Variants in MEF2C observed in about 807,000 individuals in gnomAD.
MEF2C encodes myocyte enhancer factor 2C.
A neutral mutation model predicts 50.5 loss-of-function variants in MEF2C; 6 were observed. The ratio of observed to expected loss-of-function variants is 0.12; its 90% CI spans 0.07 to 0.23. MEF2C has a LOEUF of 0.23. MEF2C is among the 10% of genes least tolerant of loss of function. The pLI, the probability that MEF2C is intolerant of heterozygous loss-of-function variation, is 1.00. For synonymous variants in MEF2C, 183 were observed against 228.0 expected, an observed-to-expected ratio of 0.80 and a Z score of 1.78; for missense variants, 276 against 605.0, an observed-to-expected ratio of 0.46 and a Z score of 5.70.
At chr5:88,776,195 TA>T (rs1580491743) in intron 3 of MEF2C, among the ~76,000 whole-genome samples, 1 of 152,030 alleles carries the variant, frequency 6.6e-6, no homozygotes, top group Non-Finnish European at 1.5e-5. Context: ...TCCCCATAAT[TA>T]AAAAAATTAT....
chr5:88,828,220 A>G (rs1811707980), intron 1 of MEF2C, among the ~76,000 whole-genome samples: 2 of 152,014 alleles, frequency 1.3e-5, no homozygotes, highest in African/African-American at 4.8e-5. Flanking sequence ...TTTTGATCTT[A>G]GAGTGAAACT....
In MEF2C at chr5:88,722,624, A is replaced by G. The variant is rs1244759936; in HGVS notation, c.1402T>C (p.Ser468Pro). 6.2e-7 allele frequency: 1 copy of G among 1,611,512 alleles called. No individual in the cohort carries two copies. Among genetic ancestry groups the G allele is most frequent in the Admixed American group, 1.7e-5 (1 of 59,792 alleles). ...TCTGATCATGTTGCCCATCCTTCAG[A>G]AAGTCGCATGCGCTTGACTGAGGGA... ...ESPSVKRMRL[S>P]EGWAT The change falls in exon 11 of 11, where the codon TCT (serine) becomes CCT (proline). Residue 468 changes from serine (S) to proline (P), a missense_variant. Ser to Pro is a moderately conservative substitution (Grantham distance 74). Around this residue, in one of 2 missense-constraint regions of MEF2C, gnomAD observed 256 missense variants for 468.1 expected, o/e 0.55. Coordinates refer to ENST00000504921, the MANE Select transcript of MEF2C (RefSeq NM_002397.5).
chr5:88,742,717 C>T (rs975597679), intron 6 of MEF2C: 1 of 985,198 alleles, frequency 1.0e-6, no homozygotes, highest in Non-Finnish European at 1.2e-6. Context: ...TAACATTTTT[C>T]ATTTGTCTTG....
At chr5:88,736,632 A>T (rs2152351267) in intron 6 of MEF2C, 1 of 985,080 alleles carries the variant, frequency 1.0e-6, no homozygotes, top group East Asian at 1.1e-4. Context: ...TTAAAGCTGT[A>T]TGCAAACTTT....
chr5:88,839,778 T>C (rs1816666495), intron 1 of MEF2C, among the ~76,000 whole-genome samples: 1 of 152,182 alleles, frequency 6.6e-6, no homozygotes, highest in Non-Finnish European at 1.5e-5. Context: ...TTGTATCGTA[T>C]GAAATAGAAA....
chr5:88,778,432 A>G (rs1786006259), intron 3 of MEF2C, among the ~76,000 whole-genome samples: 1 of 152,124 alleles, frequency 6.6e-6, no homozygotes, highest in Admixed American at 6.5e-5. Context: ...TCTTCTCTTC[A>G]ATTTGCTTGA....
At position 88,731,789 on chromosome 5, in the gene MEF2C, G is replaced by A. The variant is rs1761788641; in HGVS notation, c.750C>T (p.Asn250=). ...TAAGAACTCGGAGATCTGGTTTACGGTTATTCATTCCTAAATTCATTGGGG... is the reference window on the plus strand; with the variant it reads ...TAAGAACTCGGAGATCTGGTTTACGATTATTCATTCCTAAATTCATTGGGG... ...SPPPMNLGMN[N]RKPDLRVLIP... is the part of the protein sequence containing the mutation. Residue 250 remains asparagine (N), a synonymous_variant, in exon 7 of 11, where the codon AAC becomes AAT. Coordinates refer to ENST00000504921, the MANE Select transcript of MEF2C (RefSeq NM_002397.5). 1 of 1,613,268 alleles carries A rather than the reference G, an allele frequency of 6.2e-7. No homozygotes were observed. Among genetic ancestry groups the A allele is most frequent in the Non-Finnish European group, 8.5e-7 (1 of 1,179,506 alleles).
chr5:88,766,477 G>A (rs937177286), intron 3 of MEF2C, among the ~76,000 whole-genome samples: 10 of 151,796 alleles, frequency 6.6e-5, no homozygotes, highest in African/African-American at 1.9e-4. Context: ...GACCTTTTTC[G>A]ATTATATGAA....
intron 2 of MEF2C, among the ~76,000 whole-genome samples, chr5:88,823,108 G>T (rs932392973): frequency 6.6e-6 from 1 of 151,802 alleles, no homozygotes; most frequent in Non-Finnish European, 1.5e-5. Context: ...ATTATCATTG[G>T]CATTCTAGAA....
chr5:88,847,714 TA>T (rs955273025), intron 1 of MEF2C, among the ~76,000 whole-genome samples: 2 of 151,590 alleles, frequency 1.3e-5, no homozygotes, highest in Non-Finnish European at 2.9e-5. Flanking sequence ...AAACACATGT[TA>T]AAAAAAAGGG....
At chr5:88,853,825 T>C (rs903800785) in intron 1 of MEF2C, among the ~76,000 whole-genome samples, 1 of 152,234 alleles carries the variant, frequency 6.6e-6, no homozygotes, top group Admixed American at 6.5e-5. Flanking sequence ...ACAATTTACA[T>C]GAATGCTTTG....
At chr5:88,839,594 G>A (rs544703833) in intron 1 of MEF2C, 1 of 151,622 alleles carries the variant, frequency 6.6e-6, no homozygotes, top group African/African-American at 2.4e-5. Flanking sequence ...GTGTCCCTCA[G>A]GTATGTTTGT....
At chr5:88,741,260 G>T in intron 6 of MEF2C, 1 of 985,312 alleles carries the variant, frequency 1.0e-6, no homozygotes, top group Non-Finnish European at 1.2e-6. Flanking sequence ...CAAGAATGTA[G>T]ATGATTATAA....
At chr5:88,851,273 A>T (rs758078575) in intron 1 of MEF2C, among the ~76,000 whole-genome samples, 1 of 151,824 alleles carries the variant, frequency 6.6e-6, no homozygotes, top group Non-Finnish European at 1.5e-5. Context: ...TATAATACAT[A>T]TAACACACAA....
At chr5:88,751,717 C>A in intron 5 of MEF2C, 140 bp downstream of exon 5, 1 of 1,091,178 alleles carries the variant, frequency 9.2e-7, no homozygotes, top group Admixed American at 2.3e-5. Flanking sequence ...TGCAGGAGAC[C>A]TAGCTCGGGG....
intron 1 of MEF2C, among the ~76,000 whole-genome samples, chr5:88,847,014 T>C (rs1388984969): frequency 6.6e-6 from 1 of 152,228 alleles, no homozygotes; most frequent in Non-Finnish European, 1.5e-5. Flanking sequence ...ATTTTTTAAA[T>C]GCAGGAATGA....
intron 1 of MEF2C, among the ~76,000 whole-genome samples, chr5:88,896,758 T>C (rs1223637265): frequency 2.0e-5 from 3 of 152,206 alleles, no homozygotes; most frequent in African/African-American, 7.2e-5. Context: ...TCTTATTCCT[T>C]TTGACCCCTT....
At chr5:88,859,501 T>C (rs994830414) in intron 1 of MEF2C, among the ~76,000 whole-genome samples, 2 of 152,236 alleles carry the variant, frequency 1.3e-5, no homozygotes, top group Non-Finnish European at 2.9e-5. Context: ...GAATGCCGTT[T>C]CACATATGAA....
intron 6 of MEF2C, chr5:88,733,184 G>A (rs1031158243): frequency 6.1e-6 from 6 of 985,166 alleles, no homozygotes; most frequent in African/African-American, 3.5e-5. Flanking sequence ...GAATTGATGA[G>A]GGCCTTAAAG....
Sources: gnomAD v4.1 joint callset for allele counts (sites outside exome capture counted in the v4.1 genomes callset) on GRCh38, gnomAD v4.1.1 for gene constraint, gnomAD v4.1.1 regional missense constraint, MANE v1.5 for transcripts, NCBI Gene and HGNC (gene_info 2026-07-23, HGNC 2026-07-21) for gene names.